Variants in DRC4 observed in about 807,000 individuals in gnomAD.
DRC4 encodes GAS-11.
chr16:90,044,371 G>A, the DRC4 span: 1 of 413,300 alleles, frequency 2.4e-6, no homozygotes, highest in East Asian at 7.2e-5. Flanking sequence ...CAAAGCAAGT[G>A]AGCTCACCTA....
chr16:90,044,381 A>G, the DRC4 span: 27,202 of 416,874 alleles, frequency 0.065, 1,131 homozygotes, highest in East Asian at 0.15. Context: ...GAGCTCACCT[A>G]CCTGCCACCG....
the DRC4 span, chr16:90,022,791 C>T: frequency 3.1e-6 from 4 of 1,279,080 alleles, no homozygotes; most frequent in Non-Finnish European, 4.0e-6. Flanking sequence ...GCAGGGAGGC[C>T]TCGGTACACG....
the DRC4 span, chr16:90,035,962 G>T: frequency 2.2e-6 from 3 of 1,343,218 alleles, no homozygotes; most frequent in Non-Finnish European, 2.9e-6. Flanking sequence ...TAGCTATTCA[G>T]TGCCGTGGGC....
At chr16:90,044,631 G>T in the DRC4 span, 1 of 470,954 alleles carries the variant, frequency 2.1e-6, no homozygotes, top group African/African-American at 2.0e-5. Context: ...TAGCTGGGGA[G>T]AGGATGAGGC....
the DRC4 span, chr16:90,042,901 C>A: frequency 2.0e-6 from 1 of 510,544 alleles, no homozygotes; most frequent in Non-Finnish European, 3.5e-6. Context: ...GGGAAACACC[C>A]AGCCAGGGCC....
chr16:90,029,585 G>T, the DRC4 span: 1 of 295,650 alleles, frequency 3.4e-6, no homozygotes, highest in Non-Finnish European at 6.9e-6. Context: ...TTGGATTCGG[G>T]GGTGCGTGTC....
the DRC4 span, chr16:90,031,450 A>C: frequency 2.5e-6 from 4 of 1,602,780 alleles, no homozygotes; most frequent in Admixed American, 5.2e-5. Flanking sequence ...CGGAACAAAG[A>C]CCGGGAGATG....
the DRC4 span, among the ~76,000 whole-genome samples, chr16:90,030,161 TAG>T: frequency 6.6e-6 from 1 of 152,346 alleles, no homozygotes. Context: ...CTTGAGATTT[TAG>T]AGTCTACTGG....
chr16:90,031,293 G>GACTCACTCCACCCACT, the DRC4 span: 1 of 1,611,794 alleles, frequency 6.2e-7, no homozygotes, highest in South Asian at 1.1e-5. Flanking sequence ...CACTGCACCT[G>GACTCACTCCACCCACT]GCCAGGTGGA....
chr16:90,026,377 A>C, the DRC4 span, among the ~76,000 whole-genome samples: 5 of 152,180 alleles, frequency 3.3e-5, no homozygotes, highest in African/African-American at 9.6e-5. Context: ...TCCGTCTGGC[A>C]GCCCATTTAC....
At chr16:90,033,732 C>T in the DRC4 span, among the ~76,000 whole-genome samples, 20 of 152,016 alleles carry the variant, frequency 1.3e-4, no homozygotes, top group Non-Finnish European at 2.6e-4. Flanking sequence ...TGACAAAACG[C>T]CTGCCCGACT....
At chr16:90,040,802 G>T in the DRC4 span, among the ~76,000 whole-genome samples, 2 of 151,738 alleles carry the variant, frequency 1.3e-5, no homozygotes, top group Non-Finnish European at 2.9e-5. Flanking sequence ...GCCGCCAGGA[G>T]GCTGAGTCCA....
the DRC4 span, among the ~76,000 whole-genome samples, chr16:90,025,746 G>T: frequency 2.7e-5 from 4 of 150,014 alleles, no homozygotes; most frequent in African/African-American, 9.8e-5. Flanking sequence ...AATTAGCCAG[G>T]CGTGGTGGCG....
the DRC4 span, among the ~76,000 whole-genome samples, chr16:90,039,256 T>C: frequency 6.6e-6 from 1 of 152,218 alleles, no homozygotes; most frequent in Non-Finnish European, 1.5e-5. Flanking sequence ...TTCTGTCACA[T>C]TTTCTTCCAT....
chr16:90,035,730 C>T, the DRC4 span: 5 of 1,613,990 alleles, frequency 3.1e-6, no homozygotes, highest in African/African-American at 5.3e-5. Context: ...CAGAGACACC[C>T]CCGCCCCATC....
chr16:90,032,613 A>G, the DRC4 span: 4 of 976,122 alleles, frequency 4.1e-6, no homozygotes, highest in Non-Finnish European at 6.4e-6. Flanking sequence ...TGGACAGGTG[A>G]GGAGGTGTGG....
chr16:90,035,715 G>A, the DRC4 span: 8 of 1,614,168 alleles, frequency 5.0e-6, no homozygotes, highest in Non-Finnish European at 5.9e-6. Context: ...TCATTGTGTA[G>A]GTGCCAGAGA....
At chr16:90,037,031 GA>G in the DRC4 span, 1 of 603,760 alleles carries the variant, frequency 1.7e-6, no homozygotes, top group South Asian at 2.1e-5. Flanking sequence ...AGTCTGCATG[GA>G]AGCTGCATTC....
the DRC4 span, chr16:90,029,940 G>T: frequency 1.3e-5 from 2 of 153,212 alleles, no homozygotes; most frequent in African/African-American, 2.4e-5. Flanking sequence ...TGTATTTTTA[G>T]TAGAGACGAG....
Sources: gnomAD v4.1 joint callset for allele counts (sites outside exome capture counted in the v4.1 genomes callset) on GRCh38, gnomAD v4.1.1 for gene constraint, MANE v1.5 for transcripts, NCBI Gene and HGNC (gene_info 2026-07-23, HGNC 2026-07-21) for gene names.